The following SPOCK3 variants were observed in gnomAD, a reference collection of about 807,000 sequenced individuals.
The protein encoded by SPOCK3 is SPARC (osteonectin), cwcv and kazal like domains proteoglycan 3.
Under a neutral mutation model 56.6 loss-of-function variants are expected in SPOCK3, and 30 were observed. The ratio of observed to expected loss-of-function variants is 0.53; its 90% CI spans 0.40 to 0.72. The LOEUF (loss-of-function observed/expected upper bound fraction) is 0.72. Ranked by LOEUF, SPOCK3 falls within the 30% of genes least tolerant of loss-of-function variation. The probability of loss-of-function intolerance (pLI) is 0.00; values close to 1 mark genes in which losing one functional copy is unlikely to be tolerated. For missense variants in SPOCK3, 527 were observed against 530.0 expected (o/e 0.99, Z 0.06); for synonymous variants, 196 against 183.3 (o/e 1.07, Z -0.56).
chr4:166,921,879 G>C (rs995729558), intron 4 of SPOCK3, among the ~76,000 whole-genome samples: 1 of 152,016 alleles, frequency 6.6e-6, no homozygotes, highest in African/African-American at 2.4e-5. Flanking sequence ...CCTACAAATA[G>C]TACCTATGCG....
intron 4 of SPOCK3, among the ~76,000 whole-genome samples, chr4:166,984,036 A>G (rs1203042178): frequency 1.3e-5 from 2 of 152,092 alleles, no homozygotes. Context: ...CCTAAAAAAT[A>G]ATAAAATAAT....
At chr4:167,183,744 G>A (rs1184004190) in intron 2 of SPOCK3, among the ~76,000 whole-genome samples, 1 of 152,082 alleles carries the variant, frequency 6.6e-6, no homozygotes, top group African/African-American at 2.4e-5. Flanking sequence ...ATGAAGAGAA[G>A]CCTACAATTT....
intron 6 of SPOCK3, among the ~76,000 whole-genome samples, chr4:166,835,367 A>C (rs1240836255): frequency 6.6e-6 from 1 of 152,220 alleles, no homozygotes; most frequent in Non-Finnish European, 1.5e-5. Flanking sequence ...AATATTCAAA[A>C]ACAATATTTA....
chr4:166,744,030 G>T lies in SPOCK3; in HGVS notation c.932-1971C>A, dbSNP rs985397753. ...TCTGTAGACTCCACCTCTGAGGGCA[G>T]GGCATAGCTGAACAAAAGGCAACAG... On this transcript the variant is annotated intron_variant, in intron 8 of 10. Transcript: ENST00000357545. Among the ~76,000 whole-genome samples, 5 of 152,180 alleles carry T rather than the reference G, an allele frequency of 3.3e-5. No homozygotes were observed. The South Asian group carries it at 8.3e-4, about 25-fold the overall frequency.
chr4:166,860,802 C>CATATATATATATATATATACAT, intron 6 of SPOCK3, among the ~76,000 whole-genome samples: 7 of 101,938 alleles, frequency 6.9e-5, no homozygotes, highest in African/African-American at 2.7e-4. Flanking sequence ...CACACAAATT[C>CATATATATATATATATATACAT]ATATATATAT....
At chr4:167,210,474 A>G (rs1365701035) in intron 2 of SPOCK3, among the ~76,000 whole-genome samples, 1 of 152,178 alleles carries the variant, frequency 6.6e-6, no homozygotes. Context: ...GTAGTGGGCT[A>G]AAAGTGGCAC....
intron 8 of SPOCK3, among the ~76,000 whole-genome samples, chr4:166,744,940 A>C (rs745428703): frequency 6.6e-6 from 1 of 152,182 alleles, no homozygotes; most frequent in Non-Finnish European, 1.5e-5. Flanking sequence ...TTAGAGAAAA[A>C]AAAAGTAAAA....
At chr4:166,980,398 C>G (rs1746438759) in intron 4 of SPOCK3, among the ~76,000 whole-genome samples, 1 of 152,210 alleles carries the variant, frequency 6.6e-6, no homozygotes, top group Admixed American at 6.5e-5. Flanking sequence ...ATTGAGAGCT[C>G]ACAAGTGTCA....
chr4:166,845,868 T>G (rs1748002711), intron 6 of SPOCK3, among the ~76,000 whole-genome samples: 1 of 152,186 alleles, frequency 6.6e-6, no homozygotes, highest in Non-Finnish European at 1.5e-5. Context: ...CTGAGGTGAC[T>G]TGGTCCTTTC....
chr4:166,834,510 A>G (rs1438234183), intron 6 of SPOCK3, among the ~76,000 whole-genome samples: 10 of 152,226 alleles, frequency 6.6e-5, no homozygotes, highest in African/African-American at 2.2e-4. Context: ...AGAAAATTCA[A>G]TTGGGAACCA....
chr4:167,168,241 C>T (rs1730178304), intron 2 of SPOCK3, among the ~76,000 whole-genome samples: 1 of 152,024 alleles, frequency 6.6e-6, no homozygotes, highest in South Asian at 2.1e-4. Flanking sequence ...TGTAAATATA[C>T]CCAAAAATGT....
intron 7 of SPOCK3, among the ~76,000 whole-genome samples, chr4:166,766,797 G>T (rs1278691269): frequency 6.6e-6 from 1 of 152,130 alleles, no homozygotes; most frequent in African/African-American, 2.4e-5. Context: ...GGTAGAATTT[G>T]GCTGTGAATC....
chr4:166,816,705 G>A (rs1463361644), intron 6 of SPOCK3, among the ~76,000 whole-genome samples: 1 of 151,990 alleles, frequency 6.6e-6, no homozygotes, highest in Non-Finnish European at 1.5e-5. Context: ...TATTGAAAAG[G>A]CACATAATCT....
intron 6 of SPOCK3, among the ~76,000 whole-genome samples, chr4:166,797,188 A>G (rs1454135628): frequency 6.6e-6 from 1 of 151,198 alleles, no homozygotes; most frequent in East Asian, 1.9e-4. Context: ...TACAAAAGGG[A>G]ATTAATAAAT....
At chr4:166,906,661 A>C (rs2127076126) in intron 5 of SPOCK3, among the ~76,000 whole-genome samples, 1 of 152,042 alleles carries the variant, frequency 6.6e-6, no homozygotes, top group South Asian at 2.1e-4. Context: ...ATAATATCTA[A>C]AAATATATTT....
chr4:167,080,960 AAC>A (rs1491305369), intron 2 of SPOCK3, among the ~76,000 whole-genome samples: 31 of 145,548 alleles, frequency 2.1e-4, no homozygotes, highest in African/African-American at 7.4e-4. Flanking sequence ...GTCTCACTGC[AAC>A]CTCCTCCTCC....
At chr4:166,797,148 A>G (rs936570890) in intron 6 of SPOCK3, among the ~76,000 whole-genome samples, 5 of 152,032 alleles carry the variant, frequency 3.3e-5, no homozygotes, top group Non-Finnish European at 5.9e-5. Flanking sequence ...TTCTTGAATT[A>G]ACTCTATTTT....
chr4:167,030,287 TTTTG>T (rs1354979569), intron 3 of SPOCK3, among the ~76,000 whole-genome samples: 8 of 152,210 alleles, frequency 5.3e-5, no homozygotes, highest in South Asian at 2.1e-4. Flanking sequence ...TTGATTAATC[TTTTG>T]TTTTTTATAC....
chr4:167,157,105 G>A (rs181283521), intron 2 of SPOCK3, among the ~76,000 whole-genome samples: 1 of 151,928 alleles, frequency 6.6e-6, no homozygotes, highest in African/African-American at 2.4e-5. Context: ...CAAAACCTAT[G>A]GTTTTGCCCA....
Sources: allele counts gnomAD v4.1 joint callset (sites outside exome capture counted in the v4.1 genomes callset), GRCh38; gene constraint gnomAD v4.1.1; transcripts MANE v1.5; gene names NCBI Gene and HGNC (gene_info 2026-07-23, HGNC 2026-07-21).